Variants in SRCIN1 observed in about 807,000 individuals in gnomAD.
SRCIN1 encodes P130Cas-associated protein.
A neutral mutation model predicts 116.2 loss-of-function variants in SRCIN1; 50 were observed. The ratio of observed to expected loss-of-function variants is 0.43; its 90% CI spans 0.34 to 0.54. The LOEUF is 0.54. Ranked by LOEUF, SRCIN1 falls within the 20% of genes least tolerant of loss-of-function variation. The probability of loss-of-function intolerance (pLI) is 0.02; values close to 1 mark genes in which losing one functional copy is unlikely to be tolerated. For missense variants in SRCIN1, 1,446 were observed against 1,672.0 expected (o/e 0.86, Z 2.36); for synonymous variants, 736 against 750.0 (o/e 0.98, Z 0.30).
Position 38,604,977 on chromosome 17 carries a change from C to T in SRCIN1, c.22+707G>A, listed in dbSNP as rs1909280480. On this transcript the variant is annotated intron_variant, in intron 1 of 18. Transcript: ENST00000617146. This position sits in a 1 kb window ranked among gnomAD's most constrained non-coding sequence, Gnocchi z 4.3. The stretch of plus-strand genomic sequence containing the variant: ...AAACCCCTCCCTCTCGTGGCCCTCC[C>T]TACCCGCTGGTAGAGCGGGGAGCTG... Among the ~76,000 whole-genome samples the T allele has an allele frequency of 6.6e-6, 1 of 152,106 alleles. No homozygotes were observed. The highest frequency in any genetic ancestry group is 2.4e-5 in the African/African-American group (1 of 41,412).
In SRCIN1 at chr17:38,558,228, T is replaced by A. The variant is rs761425114; in HGVS notation, c.2200A>T (p.Asn734Tyr). The change falls in exon 11 of 19, where the codon AAT becomes TAT. Residue 734 changes from asparagine (N) to tyrosine (Y), a missense_variant and splice_region_variant. Around this residue, in one of 5 missense-constraint regions of SRCIN1, gnomAD observed 531 missense variants for 633.9 expected, o/e 0.84. Transcript: ENST00000617146. The surrounding 1 kb of genome is among the most constrained non-coding windows in gnomAD (Gnocchi z 4.6). ...NDEELITQQL[N>Y]DLEKSVEKIQ... ...CCTCCGCCGCGGGCCCAGCCTCACT[T>A]GAGCTGCTGGGTAATAAGCTCCTCG... 33 of 1,603,422 alleles carry A rather than the reference T, an allele frequency of 2.1e-5. No homozygotes were observed. The South Asian group carries it at 3.5e-4, about 17-fold the overall frequency.
At chr17:38,595,495 C>T (rs998710623) in intron 1 of SRCIN1, among the ~76,000 whole-genome samples, 2 of 152,182 alleles carry the variant, frequency 1.3e-5, no homozygotes, top group East Asian at 3.9e-4. Flanking sequence ...GGATTACAGG[C>T]GTGAGCCACC....
intron 1 of SRCIN1, among the ~76,000 whole-genome samples, chr17:38,580,962 A>G (rs1907757745): frequency 1.3e-5 from 2 of 152,094 alleles, no homozygotes; most frequent in South Asian, 4.1e-4. Flanking sequence ...CAGCCTCCCA[A>G]GTAGCTGGAA....
chr17:38,573,995 T>G (rs545712521), intron 2 of SRCIN1, among the ~76,000 whole-genome samples: 3 of 152,380 alleles, frequency 2.0e-5, no homozygotes, highest in Non-Finnish European at 4.4e-5. Context: ...TGTCATTTCC[T>G]AGGTGGTCAC....
chr17:38,605,664 G>A lies in SRCIN1; in HGVS notation c.22+20C>T. ...CTTAAGCATGGAGGCACATTAGGGA[G>A]GAGAGAGACAGGGACATGCCTTGGG... On this transcript the variant is annotated intron_variant, in intron 1 of 18. Transcript: ENST00000617146. 1 of 1,388,198 alleles carries A rather than the reference G, an allele frequency of 7.2e-7. No individual in the cohort carries two copies. Among genetic ancestry groups the A allele is most frequent in the Non-Finnish European group, 9.4e-7 (1 of 1,064,042 alleles). The allele number at this position is 1,388,198 out of a possible 1,614,324, so 86.0% of individuals were successfully genotyped here.
intron 2 of SRCIN1, among the ~76,000 whole-genome samples, chr17:38,574,227 C>A (rs1389437941): frequency 2.6e-5 from 4 of 152,168 alleles, no homozygotes; most frequent in African/African-American, 9.7e-5. Flanking sequence ...GCCTATTTTT[C>A]TCCCATAGCA....
Position 38,552,104 on chromosome 17 carries a change from G to T in SRCIN1, c.2509C>A (p.Pro837Thr). The T allele has an allele frequency of 6.2e-7, 1 of 1,612,988 alleles. No homozygotes were observed. The highest frequency in any genetic ancestry group is 1.1e-5 in the South Asian group (1 of 91,064). The change falls in exon 14 of 19, where the codon CCC becomes ACC. Residue 837 changes from proline to threonine, a missense_variant. Pro to Thr is a conservative substitution (Grantham distance 38). Around this residue, in one of 5 missense-constraint regions of SRCIN1, gnomAD observed 531 missense variants for 633.9 expected, o/e 0.84. Coordinates refer to ENST00000617146, the MANE Select transcript of SRCIN1 (RefSeq NM_025248.3). The surrounding 1 kb of genome is among the most constrained non-coding windows in gnomAD (Gnocchi z 5.3). ...RQVDEGVWPPPNNLLSQSPKK... is the reference protein window; with the variant it reads ...RQVDEGVWPPTNNLLSQSPKK... ...GGGGACTGACTCAGGAGATTGTTGG[G>T]GGGTGGCCACACACCCTCATCCACT...
rs1905961937 is a variant in SRCIN1 at position 38,558,436 on chromosome 17, G to A, written c.2026-34C>T. 1 of 1,555,918 alleles carries A rather than the reference G, an allele frequency of 6.4e-7. No individual in the cohort carries two copies. Among genetic ancestry groups the A allele is most frequent in the Non-Finnish European group, 8.6e-7 (1 of 1,158,344 alleles). ...CGCACGGACGGATGGACCCGGGTGG[G>A]GGGAGCGGAGCCGCGAGGCAGGGGA... On this transcript the variant is annotated intron_variant, in intron 10 of 18. Coordinates refer to ENST00000617146, the MANE Select transcript of SRCIN1 (RefSeq NM_025248.3). This position sits in a 1 kb window ranked among gnomAD's most constrained non-coding sequence, Gnocchi z 4.6.
At chr17:38,559,889 G>A in intron 9 of SRCIN1, 117 bp from the exon 10 acceptor site, 1 of 1,393,424 alleles carries the variant, frequency 7.2e-7, no homozygotes, top group Non-Finnish European at 9.7e-7. Context: ...GAAGCCCGTG[G>A]CTCTACCTGC....
Position 38,578,685 on chromosome 17 carries a change from G to C in SRCIN1, c.129C>G (p.Arg43=), listed in dbSNP as rs34134205. 3 of 1,544,950 alleles carry C rather than the reference G, an allele frequency of 1.9e-6. No homozygotes were observed. The highest frequency in any genetic ancestry group is 2.6e-6 in the Non-Finnish European group (3 of 1,146,930). ...GGGGGGSGGR[R]FSNVGLVHTS... ...TGTGCACCAGCCCCACGTTGGAGAA[G>C]CGCCGGCCCCCGCTGCCCCCGCCGC... Residue 43 remains arginine (R), a synonymous_variant, in exon 2 of 19, where the codon CGC becomes CGG. Transcript: ENST00000617146.
Position 38,552,819 on chromosome 17 carries a change from G to A in SRCIN1, c.2238C>T (p.Asp746=), listed in dbSNP as rs577010892. The A allele has an allele frequency of 1.3e-5, 21 of 1,613,934 alleles. No individual in the cohort carries two copies. Among genetic ancestry groups the A allele is most frequent in the African/African-American group, 4.0e-5 (3 of 75,012 alleles). The change falls in exon 12 of 19, where the codon GAC becomes GAT. Residue 746 remains aspartate (D), a synonymous_variant. Transcript: ENST00000617146. This position sits in a 1 kb window ranked among gnomAD's most constrained non-coding sequence, Gnocchi z 5.3. The stretch of plus-strand genomic sequence containing the variant: ...GCACCAGCCGGTGGTTGTGGGACAC[G>A]TCTCTCTGGATCTTCTCCACCGATT... The part of the protein sequence containing the change: ...LEKSVEKIQR[D]VSHNHRLVPG...
chr17:38,560,177 TCTC>T (rs1189308056), intron 8 of SRCIN1, 80 bp from the exon 9 acceptor site: 3 of 1,423,368 alleles, frequency 2.1e-6, no homozygotes, highest in Non-Finnish European at 2.8e-6. Context: ...TTGGATGTCA[TCTC>T]CTCCAGCTCT....
intron 1 of SRCIN1, among the ~76,000 whole-genome samples, chr17:38,586,698 G>A (rs1339827746): frequency 6.6e-6 from 1 of 152,216 alleles, no homozygotes; most frequent in Non-Finnish European, 1.5e-5. Context: ...GAGGGAGCTG[G>A]GAGCAGAGGT....
chr17:38,563,546 T>C lies in SRCIN1; in HGVS notation c.542-25A>G, dbSNP rs572632304. On this transcript the variant is annotated intron_variant, in intron 4 of 18. Coordinates refer to ENST00000617146, the MANE Select transcript of SRCIN1 (RefSeq NM_025248.3). This position sits in a 1 kb window ranked among gnomAD's most constrained non-coding sequence, Gnocchi z 5.8. ...CCTGCGAAGGAGACGCCGCCCTCGC[T>C]GTCACTGCTGCCGTCTCCACGCCGC... 12 of 1,542,748 alleles carry C rather than the reference T, an allele frequency of 7.8e-6. No homozygotes were observed. Among genetic ancestry groups the C allele is most frequent in the Non-Finnish European group, 9.6e-6 (11 of 1,146,822 alleles).
At chr17:38,601,890 G>C (rs754298826) in intron 1 of SRCIN1, among the ~76,000 whole-genome samples, 3 of 152,100 alleles carry the variant, frequency 2.0e-5, no homozygotes, top group Non-Finnish European at 2.9e-5. Context: ...AGGGAGGAAG[G>C]GGGAGGCAGA....
At chr17:38,550,617 A>G (rs962382143) in intron 15 of SRCIN1, among the ~76,000 whole-genome samples, 2 of 152,158 alleles carry the variant, frequency 1.3e-5, no homozygotes, top group African/African-American at 2.4e-5. Context: ...TATTCCCCCC[A>G]CTAAATTTTG....
intron 1 of SRCIN1, among the ~76,000 whole-genome samples, chr17:38,587,785 C>T (rs1030142629): frequency 6.6e-6 from 1 of 152,096 alleles, no homozygotes; most frequent in Non-Finnish European, 1.5e-5. Context: ...TGCCCCCAGC[C>T]CAGGGGGATG....
chr17:38,577,069 C>A (rs1907465396), intron 2 of SRCIN1, among the ~76,000 whole-genome samples: 1 of 152,194 alleles, frequency 6.6e-6, no homozygotes, highest in South Asian at 2.1e-4. Context: ...ATGCCATACA[C>A]CCCCACCACT....
chr17:38,593,204 T>C (rs778899421), intron 1 of SRCIN1, among the ~76,000 whole-genome samples: 8 of 151,702 alleles, frequency 5.3e-5, no homozygotes, highest in Admixed American at 6.6e-5. Context: ...TGGGAGGTGA[T>C]GAAGAGGAGC....
Sources: gnomAD v4.1 joint callset for allele counts (sites outside exome capture counted in the v4.1 genomes callset) on GRCh38, gnomAD v4.1.1 for gene constraint, gnomAD v4.1.1 regional missense constraint, Gnocchi (gnomAD v3.1) non-coding constraint, MANE v1.5 for transcripts, NCBI Gene and HGNC (gene_info 2026-07-23, HGNC 2026-07-21) for gene names.